The following HSPA12B variants were observed in gnomAD, a reference collection of about 807,000 sequenced individuals.
HSPA12B encodes the protein heat shock 70 kDa protein 12B.
A neutral mutation model predicts 69.3 loss-of-function variants in HSPA12B; 54 were observed. The ratio of observed to expected loss-of-function variants is 0.78; its 90% CI spans 0.63 to 0.98. The LOEUF is 0.98. Ranked by LOEUF, HSPA12B falls within the 50% of genes least tolerant of loss-of-function variation. HSPA12B has a pLI of 0.00. For synonymous variants in HSPA12B, 441 were observed against 436.5 expected, an observed-to-expected ratio of 1.01 and a Z score of -0.13; for missense variants, 929 against 999.8, an observed-to-expected ratio of 0.93 and a Z score of 0.96.
chr20:3,749,652 G>T lies in HSPA12B; in HGVS notation c.938-98G>T. The stretch of plus-strand genomic sequence containing the variant: ...CCCCGACCCTGCAGACAGGCCTTGG[G>T]ACCCGGGGCAGGGCTGGAGGCTGGG... On this transcript the variant is annotated intron_variant, in intron 9 of 12. Coordinates refer to ENST00000254963, the MANE Select transcript of HSPA12B (RefSeq NM_052970.5). The surrounding 1 kb of genome is among the most constrained non-coding windows in gnomAD (Gnocchi z 5.5). The T allele has an allele frequency of 2.2e-6, 2 of 903,808 alleles. No homozygotes were observed. Among genetic ancestry groups the T allele is most frequent in the Non-Finnish European group, 3.3e-6 (2 of 605,676 alleles). 56.0% of individuals were successfully genotyped at this position (903,808 alleles called of 1,614,324 possible).
chr20:3,750,700 C>A (rs1236169671), intron 11 of HSPA12B, 104 bp from the exon 12 acceptor site: 1 of 1,593,232 alleles, frequency 6.3e-7, no homozygotes, highest in Non-Finnish European at 8.6e-7. Context: ...TGCCCAGGCA[C>A]TTCTGCCTGG....
chr20:3,738,152 T>C (rs539926186), intron 1 of HSPA12B, among the ~76,000 whole-genome samples: 2 of 152,334 alleles, frequency 1.3e-5, no homozygotes, highest in African/African-American at 4.8e-5. Context: ...CAGCCCTCTG[T>C]CCAGACTTAC....
chr20:3,735,201 T>A (rs2088089665), intron 1 of HSPA12B, among the ~76,000 whole-genome samples: 1 of 152,194 alleles, frequency 6.6e-6, no homozygotes, highest in East Asian at 1.9e-4. Context: ...CTTTTATCAA[T>A]ACCTTGCATA....
chr20:3,747,179 G>A (rs764247510), intron 7 of HSPA12B, among the ~76,000 whole-genome samples: 1 of 152,166 alleles, frequency 6.6e-6, no homozygotes, highest in African/African-American at 2.4e-5. Context: ...TTGCTTGGTC[G>A]TAACCCTAGA....
At chr20:3,741,094 G>A (rs1311687813) in intron 3 of HSPA12B, among the ~76,000 whole-genome samples, 182 bp downstream of exon 3, 6 of 152,114 alleles carry the variant, frequency 3.9e-5, no homozygotes, top group African/African-American at 9.7e-5. Flanking sequence ...GGTGACCCTG[G>A]ACTATAAAGG....
Position 3,752,307 on chromosome 20 carries a change from A to C in HSPA12B, c.*141A>C. 1.2e-6 allele frequency: 1 copy of C among 803,496 alleles called. No individual in the cohort carries two copies. The highest frequency in any genetic ancestry group is 1.8e-6 in the Non-Finnish European group (1 of 556,796). The allele number at this position is 803,496 out of a possible 1,614,324, so 49.8% of individuals were successfully genotyped here. ...ACGCCCTCCAGCCCCGGGGGAGATA[A>C]GGTCATGGGAGAGTGGGTGGGGACA... On this transcript the variant is annotated 3_prime_UTR_variant, in exon 13 of 13. Transcript: ENST00000254963.
In HSPA12B at chr20:3,732,768, G is replaced by C. The variant is rs1038309829; in HGVS notation, c.-44G>C. ...GGGCCCGGGATCGCGGCGGCTGGAC[G>C]GGGCTGGAGCTGTCGGGAGGGCGGA... On this transcript the variant is annotated 5_prime_UTR_variant, in exon 1 of 13. Coordinates refer to ENST00000254963, the MANE Select transcript of HSPA12B (RefSeq NM_052970.5). The C allele has an allele frequency of 2.0e-5, 3 of 152,038 alleles. No homozygotes were observed. Among genetic ancestry groups the C allele is most frequent in the Non-Finnish European group, 4.4e-5 (3 of 67,956 alleles). 9.4% of individuals were successfully genotyped at this position (152,038 alleles called of 1,614,324 possible).
At chr20:3,735,977 A>G (rs756792094) in intron 1 of HSPA12B, among the ~76,000 whole-genome samples, 10 of 152,330 alleles carry the variant, frequency 6.6e-5, no homozygotes, top group Admixed American at 1.3e-4. Context: ...ATCCAGTAGT[A>G]TGCTGGTTAA....
chr20:3,748,154 C>T (rs1031079970), intron 7 of HSPA12B, 63 bp from the exon 8 acceptor site: 21 of 1,386,728 alleles, frequency 1.5e-5, no homozygotes, highest in Non-Finnish European at 1.8e-5. Flanking sequence ...CCCCACCTCA[C>T]AGTGCCATCT....
intron 12 of HSPA12B, chr20:3,751,175 C>A: frequency 2.3e-6 from 2 of 885,182 alleles, no homozygotes; most frequent in Non-Finnish European, 2.7e-6. Flanking sequence ...AACGTTATCA[C>A]AGGGATAAAA....
In HSPA12B at chr20:3,752,766, G is replaced by A; in HGVS notation, c.*600G>A. On this transcript the variant is annotated 3_prime_UTR_variant, in exon 13 of 13. Transcript: ENST00000254963. ...AAGGGCAGTAGATCTCTAATGTGGA[G>A]GTGGGAACATTATTGTGGTGGAGGC... is the stretch of plus-strand genomic sequence containing the variant. 1 of 153,906 alleles carries A rather than the reference G, an allele frequency of 6.5e-6. No individual in the cohort carries two copies. Among genetic ancestry groups the A allele is most frequent in the East Asian group, 1.9e-4 (1 of 5,204 alleles). 9.5% of individuals were successfully genotyped at this position (153,906 alleles called of 1,614,324 possible).
chr20:3,736,551 G>A (rs1037995138), intron 1 of HSPA12B, among the ~76,000 whole-genome samples: 1 of 152,228 alleles, frequency 6.6e-6, no homozygotes, highest in African/African-American at 2.4e-5. Flanking sequence ...AAAACTTTCA[G>A]ATTGGGCCGC....
At chr20:3,736,940 T>A (rs1480164514) in intron 1 of HSPA12B, among the ~76,000 whole-genome samples, 1 of 152,256 alleles carries the variant, frequency 6.6e-6, no homozygotes, top group Middle Eastern at 3.4e-3. Flanking sequence ...CCCCAGCTAC[T>A]TGGGAGGCTG....
chr20:3,751,845 C>A lies in HSPA12B; in HGVS notation c.1740C>A (p.Ala580=). 1 of 1,542,954 alleles carries A rather than the reference C, an allele frequency of 6.5e-7. No individual in the cohort carries two copies. Among genetic ancestry groups the A allele is most frequent in the African/African-American group, 1.4e-5 (1 of 72,078 alleles). Residue 580 remains alanine, a synonymous_variant, in exon 13 of 13, where the codon GCC becomes GCA. Transcript: ENST00000254963. ...ACGTCTTCGAGCGCTTCGTGGCCGC[C>A]GAGCAGTCGGTGGCCCTGGGCGAGG... ...CTDVFERFVA[A]EQSVALGEEV... is the part of the protein sequence containing the mutation.
rs1483950373 is a variant in HSPA12B at position 3,750,813 on chromosome 20, C to T, written c.1311C>T (p.Phe437=). The T allele has an allele frequency of 6.2e-7, 1 of 1,613,840 alleles. No homozygotes were observed. The highest frequency in any genetic ancestry group is 1.1e-5 in the South Asian group (1 of 91,088). ...ETALRRSSVN[F]VKWSSQGMLR... Reference sequence around the variant, plus strand: ...CTTTCACCACCAACAGCGTGAACTTCGTGAAGTGGTCCTCACAGGGGATGC... The same window carrying T: ...CTTTCACCACCAACAGCGTGAACTTTGTGAAGTGGTCCTCACAGGGGATGC... Residue 437 remains phenylalanine (F), a synonymous_variant, in exon 12 of 13, where the codon TTC becomes TTT. Transcript: ENST00000254963.
chr20:3,744,869 G>C lies in HSPA12B; in HGVS notation c.267-33G>C. ...CTGCCTGGATTCCCACCCAAGAAGG[G>C]AGGGTTGCACTGACTGCCCTGTGCC... On this transcript the variant is annotated intron_variant, in intron 4 of 12. Transcript: ENST00000254963. The surrounding 1 kb of genome is among the most constrained non-coding windows in gnomAD (Gnocchi z 4.9). 1 of 1,596,286 alleles carries C rather than the reference G, an allele frequency of 6.3e-7. No individual in the cohort carries two copies. The highest frequency in any genetic ancestry group is 8.5e-7 in the Non-Finnish European group (1 of 1,171,472).
chr20:3,739,520 T>TGCCTCCCTTCCC (rs2088163969), intron 2 of HSPA12B, among the ~76,000 whole-genome samples: 2 of 152,206 alleles, frequency 1.3e-5, no homozygotes, highest in Non-Finnish European at 2.9e-5. Context: ...CCTTCCTTCC[T>TGCCTCCCTTCCC]GCCTCCCTTC....
At chr20:3,751,311 G>A (rs2088415729) in intron 12 of HSPA12B, 200 bp from the exon 13 acceptor site, 1 of 985,332 alleles carries the variant, frequency 1.0e-6, no homozygotes, top group African/African-American at 1.7e-5. Context: ...GGGAGCGTGA[G>A]TGTTGGGGAG....
In HSPA12B at chr20:3,745,552, G is replaced by T; in HGVS notation, c.513G>T (p.Glu171Asp). The T allele has an allele frequency of 6.2e-7, 1 of 1,614,166 alleles. No individual in the cohort carries two copies. The highest frequency in any genetic ancestry group is 8.5e-7 in the Non-Finnish European group (1 of 1,180,024). ...ATGGAAAGACGATGCCCGCCCTGGA[G>T]GTGTTCGCCCATGCCCTGCGCTTCT... ...AVNGKTMPALEVFAHALRFFR... is the reference protein window; with the variant it reads ...AVNGKTMPALDVFAHALRFFR... The change falls in exon 6 of 13, where the codon GAG (glutamate) becomes GAT (aspartate). Residue 171 changes from glutamate (E) to aspartate (D), a missense_variant. By Grantham distance (45) the Glu-to-Asp change is conservative (BLOSUM62 2). Coordinates refer to ENST00000254963, the MANE Select transcript of HSPA12B (RefSeq NM_052970.5). This position sits in a 1 kb window ranked among gnomAD's most constrained non-coding sequence, Gnocchi z 5.6.
Sources: allele counts gnomAD v4.1 joint callset (sites outside exome capture counted in the v4.1 genomes callset), GRCh38; gene constraint gnomAD v4.1.1; non-coding constraint Gnocchi (gnomAD v3.1); transcripts MANE v1.5; gene names NCBI Gene and HGNC (gene_info 2026-07-23, HGNC 2026-07-21).